ADAM7: variants seen among roughly 807,000 people sequenced by gnomAD.
The protein encoded by ADAM7 is disintegrin and metalloproteinase domain-containing protein 7.
A neutral mutation model predicts 102.9 loss-of-function variants in ADAM7; 97 were observed. The ratio of observed to expected loss-of-function variants is 0.94; its 90% CI spans 0.80 to 1.12. ADAM7 has a LOEUF of 1.12. Ranked by LOEUF, ADAM7 falls within the 50% of genes most tolerant of loss-of-function variation. ADAM7 has a pLI of 0.00. For missense variants in ADAM7, 991 were observed against 908.7 expected (o/e 1.09, Z -1.16); for synonymous variants, 334 against 304.4 (o/e 1.10, Z -1.01).
At chr8:24,506,060 A>C in intron 20 of ADAM7, 3 of 1,486,012 alleles carry the variant, frequency 2.0e-6, no homozygotes, top group Non-Finnish European at 2.8e-6. Flanking sequence ...TTTACTAGGA[A>C]TTGCAGGTTA....
At chr8:24,466,728 A>G in intron 5 of ADAM7, 71 bp from the exon 6 acceptor site, 1 of 1,429,822 alleles carries the variant, frequency 7.0e-7, no homozygotes, top group Non-Finnish European at 9.5e-7. Flanking sequence ...TTTCTTGAAA[A>G]GGCAAAGTCA....
At position 24,493,307 on chromosome 8, in the gene ADAM7, T is replaced by C. The variant is rs1055760282; in HGVS notation, c.1842+78T>C. The C allele has an allele frequency of 5.3e-6, 7 of 1,330,082 alleles. No homozygotes were observed. In the Admixed American group the frequency reaches 1.8e-4, roughly 34 times the overall value. 82.4% of individuals were successfully genotyped at this position (1,330,082 alleles called of 1,614,324 possible). A position where few individuals can be genotyped will look rare whatever the true frequency, so the allele number is the denominator to read the frequency against. On this transcript the variant is annotated intron_variant, in intron 16 of 21. Transcript: ENST00000175238. Reference sequence around the variant, plus strand: ...AACATTACTGGATACTGTAATTGCTTCCAAAGAGGTCTAGATATGGAAAAG... The same window carrying C: ...AACATTACTGGATACTGTAATTGCTCCCAAAGAGGTCTAGATATGGAAAAG...
intron 15 of ADAM7, 87 bp downstream of exon 15, chr8:24,492,684 C>T: frequency 1.1e-6 from 1 of 886,922 alleles, no homozygotes; most frequent in Non-Finnish European, 1.8e-6. Context: ...ACCTGTTAAT[C>T]TCTTTTTACT....
chr8:24,503,661 T>C (rs1376874957), intron 20 of ADAM7, among the ~76,000 whole-genome samples: 3 of 151,924 alleles, frequency 2.0e-5, no homozygotes, highest in South Asian at 4.2e-4. Context: ...ATAAAGAAAA[T>C]GTGGCATATA....
chr8:24,446,414 A>C (rs1272006411), intron 2 of ADAM7, among the ~76,000 whole-genome samples: 3 of 152,132 alleles, frequency 2.0e-5, no homozygotes, highest in African/African-American at 4.8e-5. Flanking sequence ...AACTGCTATA[A>C]ATTGATGGTG....
At position 24,508,540 on chromosome 8, in the gene ADAM7, A is replaced by G. The variant is rs775214225; in HGVS notation, c.*-6A>G. ...AATCTATTTTTAACCATCTGTTTCT[A>G]TTTAGAGCTTGAAGTTGGATATCCA... On this transcript the variant is annotated splice_region_variant and splice_polypyrimidine_tract_variant and intron_variant, in intron 21 of 21. Transcript: ENST00000175238. 1.2e-6 allele frequency: 2 copies of G among 1,613,512 alleles called. No individual in the cohort carries two copies. The highest frequency in any genetic ancestry group is 1.7e-6 in the Non-Finnish European group (2 of 1,179,638).
Position 24,442,596 on chromosome 8 carries a change from A to C in ADAM7, c.156+20A>C. The C allele has an allele frequency of 1.3e-6, 2 of 1,585,368 alleles. No individual in the cohort carries two copies. The highest frequency in any genetic ancestry group is 1.7e-6 in the Non-Finnish European group (2 of 1,153,860). The stretch of plus-strand genomic sequence containing the variant: ...ATACTGGTACAAGTTTTGATTTAGT[A>C]AATAAGATTTGTTGCTTTCACAGGC... On this transcript the variant is annotated intron_variant, in intron 2 of 21. Coordinates refer to ENST00000175238, the MANE Select transcript of ADAM7 (RefSeq NM_003817.4).
intron 21 of ADAM7, 149 bp from the exon 22 acceptor site, chr8:24,508,397 C>A: frequency 1.4e-6 from 1 of 738,590 alleles, no homozygotes; most frequent in Admixed American, 2.6e-5. Flanking sequence ...TTAGCAATGG[C>A]TAGGGAGATC....
At chr8:24,453,690 G>A (rs1481708287) in intron 3 of ADAM7, among the ~76,000 whole-genome samples, 1 of 152,204 alleles carries the variant, frequency 6.6e-6, no homozygotes, top group Non-Finnish European at 1.5e-5. Context: ...TCCGTTGCTG[G>A]TGAGGAACTG....
chr8:24,449,242 T>G (rs962013801), intron 3 of ADAM7, among the ~76,000 whole-genome samples: 20 of 152,220 alleles, frequency 1.3e-4, no homozygotes, highest in African/African-American at 4.6e-4. Flanking sequence ...ACTTCCACAA[T>G]GGTTGAACTA....
intron 13 of ADAM7, 120 bp from the exon 14 acceptor site, chr8:24,491,783 G>A: frequency 1.5e-6 from 1 of 659,180 alleles, no homozygotes; most frequent in Middle Eastern, 2.7e-4. Flanking sequence ...GAATGGAGAA[G>A]GAAGCTATGA....
At chr8:24,486,608 A>G (rs1291423588) in intron 10 of ADAM7, among the ~76,000 whole-genome samples, 1 of 152,194 alleles carries the variant, frequency 6.6e-6, no homozygotes, top group Admixed American at 6.5e-5. Flanking sequence ...CTCGGAGGCT[A>G]GGAAATCCAA....
At chr8:24,477,188 G>T (rs1472384630) in intron 8 of ADAM7, among the ~76,000 whole-genome samples, 5 of 152,140 alleles carry the variant, frequency 3.3e-5, no homozygotes, top group Non-Finnish European at 2.9e-5. Context: ...TGCAATTATA[G>T]AATTTCATTT....
chr8:24,484,994 T>A (rs1383015354), intron 9 of ADAM7, among the ~76,000 whole-genome samples: 1 of 151,844 alleles, frequency 6.6e-6, no homozygotes, highest in South Asian at 2.1e-4. Context: ...TCAGTAGAGA[T>A]GGGGTTTCAC....
At chr8:24,490,589 C>T (rs577805384) in intron 12 of ADAM7, 149 of 512,886 alleles carry the variant, frequency 2.9e-4, no homozygotes, top group African/African-American at 2.2e-3. Context: ...ATCCATTACC[C>T]GTAATGTACC....
At chr8:24,501,349 A>G (rs1057014189) in intron 19 of ADAM7, 128 bp from the exon 20 acceptor site, 1 of 630,176 alleles carries the variant, frequency 1.6e-6, no homozygotes, top group South Asian at 2.3e-5. Flanking sequence ...TTATTTCAAT[A>G]TATTTAACAT....
intron 2 of ADAM7, 29 bp downstream of exon 2, chr8:24,442,605 T>G: frequency 1.9e-6 from 3 of 1,565,052 alleles, no homozygotes; most frequent in Non-Finnish European, 2.6e-6. Flanking sequence ...TAAATAAGAT[T>G]TGTTGCTTTC....
At chr8:24,455,017 A>C (rs1337841948) in intron 3 of ADAM7, among the ~76,000 whole-genome samples, 1 of 152,160 alleles carries the variant, frequency 6.6e-6, no homozygotes, top group Non-Finnish European at 1.5e-5. Flanking sequence ...CAGAAATATT[A>C]ATTTAGAATC....
intron 3 of ADAM7, among the ~76,000 whole-genome samples, chr8:24,451,321 T>C (rs1476439324): frequency 6.6e-6 from 1 of 152,216 alleles, no homozygotes; most frequent in Non-Finnish European, 1.5e-5. Flanking sequence ...ATTGCCACAA[T>C]TTCAGAGCCT....
Sources: gnomAD v4.1 joint callset for allele counts (sites outside exome capture counted in the v4.1 genomes callset) on GRCh38, gnomAD v4.1.1 for gene constraint, MANE v1.5 for transcripts, NCBI Gene and HGNC (gene_info 2026-07-23, HGNC 2026-07-21) for gene names.